NDRG1: variants seen among roughly 807,000 people sequenced by gnomAD.
The protein encoded by NDRG1 is N-myc downstream regulated 1, also known as protein NDRG1.
Under a neutral mutation model 56.9 loss-of-function variants are expected in NDRG1, and 32 were observed. That is an observed-to-expected ratio of 0.56 (90% confidence interval 0.42 to 0.76). The LOEUF is 0.76. Among genes scored for constraint, NDRG1 ranks in the 30% least tolerant of loss-of-function variants. The pLI is 0.00. For missense variants in NDRG1, 507 were observed against 545.7 expected (o/e 0.93, Z 0.71); for synonymous variants, 211 against 204.1 (o/e 1.03, Z -0.29).
chr8:133,286,339 C>T (rs1037165485), intron 1 of NDRG1, among the ~76,000 whole-genome samples: 26 of 152,188 alleles, frequency 1.7e-4, no homozygotes, highest in African/African-American at 6.0e-4. Flanking sequence ...TGGTTCAGCC[C>T]AGTTTGGTCA....
intron 3 of NDRG1, among the ~76,000 whole-genome samples, chr8:133,272,825 G>T (rs942797959): frequency 1.3e-5 from 2 of 152,204 alleles, no homozygotes; most frequent in Non-Finnish European, 2.9e-5. Flanking sequence ...GTGAGTTTAG[G>T]ATTTCCAGGC....
chr8:133,296,458 T>C, intron 1 of NDRG1: 6 of 455,812 alleles, frequency 1.3e-5, no homozygotes, highest in South Asian at 9.3e-5. Flanking sequence ...CGTGTTGCAC[T>C]GTGACACACC....
intron 3 of NDRG1, among the ~76,000 whole-genome samples, chr8:133,266,727 C>G (rs561417750): frequency 1.3e-5 from 2 of 152,208 alleles, no homozygotes; most frequent in Non-Finnish European, 2.9e-5. Flanking sequence ...CATTAGGCAC[C>G]TATTGTATGC....
chr8:133,252,486 C>T lies in NDRG1; in HGVS notation c.595-1943G>A, dbSNP rs374071134. The stretch of plus-strand genomic sequence containing the variant: ...AACAGGCAAACCTAGCAGTTGTACT[C>T]GCCAACTCCAGAGTGGAGCCTCTGT... On this transcript the variant is annotated intron_variant, in intron 9 of 15. Transcript: ENST00000323851. Among the ~76,000 whole-genome samples the T allele has an allele frequency of 1.5e-3, 234 of 152,328 alleles. 1 individual carries two copies. Among genetic ancestry groups the T allele is most frequent in the African/African-American group, 5.5e-3 (228 of 41,566 alleles).
intron 3 of NDRG1, among the ~76,000 whole-genome samples, chr8:133,280,007 T>C (rs1369336050): frequency 6.6e-6 from 1 of 152,218 alleles, no homozygotes; most frequent in Non-Finnish European, 1.5e-5. Flanking sequence ...GCGGTGTCTC[T>C]GTCCTGCTTT....
chr8:133,296,012 CG>C (rs1024190444), intron 1 of NDRG1, among the ~76,000 whole-genome samples: 1 of 150,206 alleles, frequency 6.7e-6, no homozygotes, highest in African/African-American at 2.4e-5. Flanking sequence ...GGACAACAGG[CG>C]GGGGATATGG....
Position 133,238,764 on chromosome 8 carries a change from C to T in NDRG1, c.*114G>A, listed in dbSNP as rs1156415713. Reference sequence around the variant, plus strand: ...CCAGAGCTCACTCTTACAAAATAAGCTTTGGATTAATACCGAGTTAGGCGC... The same window carrying T: ...CCAGAGCTCACTCTTACAAAATAAGTTTTGGATTAATACCGAGTTAGGCGC... On this transcript the variant is annotated 3_prime_UTR_variant, in exon 16 of 16. Transcript: ENST00000323851. The T allele has an allele frequency of 1.7e-5, 22 of 1,257,900 alleles. No homozygotes were observed. Among genetic ancestry groups the T allele is most frequent in the Non-Finnish European group, 2.4e-5 (22 of 928,228 alleles). The allele number at this position is 1,257,900 out of a possible 1,614,324, so 77.9% of individuals were successfully genotyped here.
intron 1 of NDRG1, among the ~76,000 whole-genome samples, chr8:133,290,332 A>G (rs997998314): frequency 7.2e-5 from 11 of 152,114 alleles, no homozygotes; most frequent in African/African-American, 2.4e-4. Flanking sequence ...CACACCACAA[A>G]AACAGCACCA....
At chr8:133,291,428 T>C (rs1858423684) in intron 1 of NDRG1, among the ~76,000 whole-genome samples, 1 of 152,210 alleles carries the variant, frequency 6.6e-6, no homozygotes, top group African/African-American at 2.4e-5. Context: ...CTTTGTCATT[T>C]CTTTGCCCAA....
chr8:133,266,717 C>T (rs1586456159), intron 3 of NDRG1, among the ~76,000 whole-genome samples: 1 of 152,206 alleles, frequency 6.6e-6, no homozygotes, highest in Admixed American at 6.5e-5. Context: ...GAGAAACATT[C>T]ATTAGGCACC....
At chr8:133,242,976 G>A (rs1033372836) in intron 14 of NDRG1, among the ~76,000 whole-genome samples, 6 of 152,166 alleles carry the variant, frequency 3.9e-5, no homozygotes, top group Non-Finnish European at 5.9e-5. Flanking sequence ...AGTTCTACCA[G>A]TTCTCTCAGT....
rs895042893 is a variant in NDRG1, at chr8:133,256,764, G to T, written c.537+13C>A. ...TGCAGGGATCCCGCCGGCCTGACAGGCCCCCACCTCACCTTGGAGGCGGCC... is the reference window on the plus strand; with the variant it reads ...TGCAGGGATCCCGCCGGCCTGACAGTCCCCCACCTCACCTTGGAGGCGGCC... On this transcript the variant is annotated intron_variant, in intron 8 of 15. Coordinates refer to ENST00000323851, the MANE Select transcript of NDRG1 (RefSeq NM_006096.4). 2 of 1,613,782 alleles carry T rather than the reference G, an allele frequency of 1.2e-6. No homozygotes were observed. Among genetic ancestry groups the T allele is most frequent in the Middle Eastern group, 1.7e-4 (1 of 6,036 alleles).
In NDRG1 at chr8:133,279,364, C is replaced by T. The variant is rs145503227; in HGVS notation, c.99+868G>A. On this transcript the variant is annotated intron_variant, in intron 3 of 15. Transcript: ENST00000323851. ...CTTCCAAAGACAGTGCAAGATTCCT[C>T]GCCTCGGGATGGATGGGGGAGCATT... Among the ~76,000 whole-genome samples the T allele has an allele frequency of 1.8e-4, 27 of 152,314 alleles. No homozygotes were observed. The East Asian group carries it at 4.4e-3, about 25-fold the overall frequency.
In NDRG1 at chr8:133,245,891, G is replaced by A. The variant is rs571816459; in HGVS notation, c.855+725C>T. Among the ~76,000 whole-genome samples, 593 of 152,228 alleles carry A rather than the reference G, an allele frequency of 3.9e-3. 3 individuals are homozygous for A. Among genetic ancestry groups the A allele is most frequent in the Non-Finnish European group, 5.6e-3 (382 of 68,008 alleles). ...AACAGCCTCCCACTCAATAAGTATC[G>A]GACACCCCCTACATGCCTTTCAAAG... On this transcript the variant is annotated intron_variant, in intron 13 of 15. Coordinates refer to ENST00000323851, the MANE Select transcript of NDRG1 (RefSeq NM_006096.4).
chr8:133,249,059 T>G (rs557701885), intron 10 of NDRG1, among the ~76,000 whole-genome samples: 1 of 152,148 alleles, frequency 6.6e-6, no homozygotes, highest in Non-Finnish European at 1.5e-5. Context: ...TTCTCCACCA[T>G]AGAGGGTCCC....
In NDRG1 at chr8:133,254,584, CCA is replaced by C. The variant is rs1856266139; in HGVS notation, c.547_548del (p.Trp183AspfsTer21). The C allele has an allele frequency of 6.2e-7, 1 of 1,613,970 alleles. No homozygotes were observed. Among genetic ancestry groups the C allele is most frequent in the Admixed American group, 1.7e-5 (1 of 59,992 alleles). On this transcript the variant is annotated frameshift_variant, in exon 9 of 16. Coordinates refer to ENST00000323851, the MANE Select transcript of NDRG1 (RefSeq NM_006096.4). LOFTEE classifies it high-confidence loss of function. ...CCACCATGTCCGGCAGAGCTTGGGT[CCA>C]TCCTGAGATCTGGAAAGGAGTAAAG... The part of the protein sequence containing the change: ...MDWAASKISG[W>X]TQALPDMVVS...
chr8:133,286,690 C>T (rs1050026800), intron 1 of NDRG1, among the ~76,000 whole-genome samples: 3 of 152,150 alleles, frequency 2.0e-5, no homozygotes, highest in East Asian at 1.9e-4. Context: ...AGGATGATCA[C>T]GGGGTATATC....
chr8:133,240,866 T>C (rs1438036753), intron 15 of NDRG1: 2 of 152,200 alleles, frequency 1.3e-5, no homozygotes, highest in Admixed American at 6.5e-5. Flanking sequence ...CGCGGCTGTC[T>C]CCATGGCTGT....
intron 1 of NDRG1, chr8:133,296,724 CACACACA>C: frequency 2.9e-6 from 1 of 344,500 alleles, no homozygotes; most frequent in Non-Finnish European, 5.8e-6. Context: ...CACACACACA[CACACACA>C]CTCACCTAGT....
Sources: gnomAD v4.1 joint callset for allele counts (sites outside exome capture counted in the v4.1 genomes callset) on GRCh38, gnomAD v4.1.1 for gene constraint, MANE v1.5 for transcripts, NCBI Gene and HGNC (gene_info 2026-07-23, HGNC 2026-07-21) for gene names.